The following PCDHGA2 variants were observed in gnomAD, a reference collection of about 807,000 sequenced individuals.
PCDHGA2 encodes protocadherin gamma-A2.
PCDHGA2 carries 40 observed loss-of-function variants against 59.2 expected under a neutral mutation model. That is an observed-to-expected ratio of 0.68 (90% CI 0.52 to 0.88). The LOEUF (loss-of-function observed/expected upper bound fraction) is 0.88, where lower values mean the gene tolerates loss of function less well. PCDHGA2 is among the 40% of genes least tolerant of loss of function. The probability of loss-of-function intolerance (pLI) is 0.00; values close to 1 mark genes in which losing one functional copy is unlikely to be tolerated. For synonymous variants in PCDHGA2, 560 were observed against 526.0 expected (o/e 1.06, Z -0.89); for missense variants, 1,226 against 1,204.0 (o/e 1.02, Z -0.27).
chr5:141,365,327 G>C lies in PCDHGA2; in HGVS notation c.2424+23932G>C, dbSNP rs747026177. The C allele has an allele frequency of 1.1e-5, 17 of 1,613,880 alleles. No individual in the cohort carries two copies. The Admixed American group carries it at 2.8e-4, about 27-fold the overall frequency. On this transcript the variant is annotated intron_variant, in intron 1 of 3. Transcript: ENST00000394576. ...AGGCGCTCTTGTTGCCAGCGCTAAG[G>C]TGGTGGTCACAGTACAGGACGTGAA... is the stretch of plus-strand genomic sequence containing the variant.
chr5:141,472,263 C>T (rs978647191), intron 1 of PCDHGA2, among the ~76,000 whole-genome samples: 7 of 152,144 alleles, frequency 4.6e-5, no homozygotes, highest in South Asian at 2.1e-4. Flanking sequence ...ATATTATAGC[C>T]GGGCACAGTG....
intron 1 of PCDHGA2, chr5:141,398,925 C>G (rs766149685): frequency 1.1e-5 from 17 of 1,613,966 alleles, no homozygotes; most frequent in Non-Finnish European, 1.4e-5. Flanking sequence ...AAGTGTCAGC[C>G]ACTGACCAAG....
At chr5:141,478,333 G>C in intron 1 of PCDHGA2, 5 of 1,613,928 alleles carry the variant, frequency 3.1e-6, no homozygotes, top group Non-Finnish European at 4.2e-6. Flanking sequence ...GAACACCAGG[G>C]CCCTCCTTGC....
At chr5:141,413,664 T>G in intron 1 of PCDHGA2, 1 of 1,613,858 alleles carries the variant, frequency 6.2e-7, no homozygotes, top group Non-Finnish European at 8.5e-7. Flanking sequence ...AAGCTATTGA[T>G]CCGGATGTGG....
At chr5:141,419,796 T>A in intron 1 of PCDHGA2, 1 of 1,614,026 alleles carries the variant, frequency 6.2e-7, no homozygotes. Flanking sequence ...CTAGTCGCTG[T>A]AAGAGATGGA....
chr5:141,443,385 T>G (rs2098386152), intron 1 of PCDHGA2, among the ~76,000 whole-genome samples: 2 of 151,940 alleles, frequency 1.3e-5, no homozygotes, highest in African/African-American at 4.8e-5. Flanking sequence ...CTTGGGAGGC[T>G]GAGGTGTGAG....
chr5:141,415,843 G>T (rs1022622333), intron 1 of PCDHGA2: 36 of 1,251,418 alleles, frequency 2.9e-5, no homozygotes, highest in Non-Finnish European at 3.6e-5. Flanking sequence ...GATTAGCTTT[G>T]CAGAACCTTG....
In PCDHGA2 at chr5:141,433,056, G is replaced by T. The variant is rs1422450948; in HGVS notation, c.2425-61751G>T. ...TCCCTCACCACGGACTCGCGGAAGA[G>T]TCACCTGATCTTCCCCCAGCCCAAC... On this transcript the variant is annotated intron_variant, in intron 1 of 3. Coordinates refer to ENST00000394576, the MANE Select transcript of PCDHGA2 (RefSeq NM_018915.4). The T allele has an allele frequency of 6.8e-6, 11 of 1,614,086 alleles. No homozygotes were observed. In the South Asian group the frequency reaches 1.1e-4, roughly 16 times the overall value.
intron 1 of PCDHGA2, among the ~76,000 whole-genome samples, chr5:141,467,055 C>CTTTTTTTTTTTTTTTTTTT (rs1193465269): frequency 7.4e-6 from 1 of 134,498 alleles, no homozygotes; most frequent in Non-Finnish European, 1.6e-5. Context: ...TCAATGTTTT[C>CTTTTTTTTTTTTTTTTTTT]TTTTTTTTTT....
chr5:141,450,675 CG>C (rs2098689980), intron 1 of PCDHGA2, among the ~76,000 whole-genome samples: 1 of 151,614 alleles, frequency 6.6e-6, no homozygotes, highest in Non-Finnish European at 1.5e-5. Flanking sequence ...TTAGTAGAAA[CG>C]GGGTTTTGCC....
chr5:141,475,990 A>T, intron 1 of PCDHGA2: 1 of 1,140,672 alleles, frequency 8.8e-7, no homozygotes, highest in Non-Finnish European at 1.2e-6. Context: ...CGGCGAGCAA[A>T]TCAACGGCAT....
At chr5:141,399,922 T>C in intron 1 of PCDHGA2, 1 of 1,612,334 alleles carries the variant, frequency 6.2e-7, no homozygotes, top group African/African-American at 1.3e-5. Flanking sequence ...ACACAACGCC[T>C]GGCTGTCCTA....
intron 1 of PCDHGA2, among the ~76,000 whole-genome samples, chr5:141,457,480 G>T (rs566798464): frequency 6.6e-6 from 1 of 152,148 alleles, no homozygotes; most frequent in African/African-American, 2.4e-5. Context: ...GCAGGGCCAG[G>T]GTTAGTCTAA....
intron 1 of PCDHGA2, chr5:141,384,588 G>C: frequency 1.2e-6 from 2 of 1,614,242 alleles, no homozygotes; most frequent in Middle Eastern, 1.6e-4. Context: ...CCGAGATCCT[G>C]TACCCGGCCC....
chr5:141,343,373 G>A lies in PCDHGA2; in HGVS notation c.2424+1978G>A, dbSNP rs72790005. 3,513 of 982,462 alleles carry A rather than the reference G, an allele frequency of 3.6e-3. 10 individuals are homozygous for A. Among genetic ancestry groups the A allele is most frequent in the South Asian group, 9.7e-3 (205 of 21,216 alleles). 60.9% of individuals were successfully genotyped at this position (982,462 alleles called of 1,614,324 possible). A position where few individuals can be genotyped will look rare whatever the true frequency, so the allele number is the denominator to read the frequency against. ...TTAGAGAGTTAAGAGTATAGAGAGG[G>A]AAAGGTCAAAGAGGAGGTGGATATC... On this transcript the variant is annotated intron_variant, in intron 1 of 3. Transcript: ENST00000394576.
At chr5:141,423,463 G>T (rs772779471) in intron 1 of PCDHGA2, 22 of 1,613,992 alleles carry the variant, frequency 1.4e-5, no homozygotes, top group Non-Finnish European at 1.8e-5. Context: ...AGGCGTGGAC[G>T]GGGTACAGGC....
At position 141,345,069 on chromosome 5, in the gene PCDHGA2, G is replaced by A; in HGVS notation, c.2424+3674G>A. On this transcript the variant is annotated intron_variant, in intron 1 of 3. Transcript: ENST00000394576. Reference sequence around the variant, plus strand: ...TCTGGATGTGAATGACAATGCTCCAGAAATTACAATCACGTCTCTCACAAG... The same window carrying A: ...TCTGGATGTGAATGACAATGCTCCAAAAATTACAATCACGTCTCTCACAAG... The A allele has an allele frequency of 6.2e-7, 1 of 1,613,990 alleles. No homozygotes were observed. The highest frequency in any genetic ancestry group is 2.2e-5 in the East Asian group (1 of 44,878).
chr5:141,432,428 G>C lies in PCDHGA2; in HGVS notation c.2425-62379G>C. 6.2e-7 allele frequency: 1 copy of C among 1,614,232 alleles called. No homozygotes were observed. On this transcript the variant is annotated intron_variant, in intron 1 of 3. Coordinates refer to ENST00000394576, the MANE Select transcript of PCDHGA2 (RefSeq NM_018915.4). The surrounding 1 kb of genome is among the most constrained non-coding windows in gnomAD (Gnocchi z 6.0). ...GAGCCTGTTCGTGCTGGACCAGAAC[G>C]ACAATGCGCCCGAGATCCTGTACCC...
chr5:141,392,671 C>A, intron 1 of PCDHGA2: 1 of 875,408 alleles, frequency 1.1e-6, no homozygotes, highest in Non-Finnish European at 1.7e-6. Context: ...AAACTAACTG[C>A]TGGACTGCAG....
Sources: allele counts gnomAD v4.1 joint callset (sites outside exome capture counted in the v4.1 genomes callset), GRCh38; gene constraint gnomAD v4.1.1; non-coding constraint Gnocchi (gnomAD v3.1); transcripts MANE v1.5; gene names NCBI Gene and HGNC (gene_info 2026-07-23, HGNC 2026-07-21).